TMEM207: variants seen among roughly 807,000 people sequenced by gnomAD.
TMEM207 encodes the protein SRSR846.
TMEM207 carries 15 observed loss-of-function variants against 17.4 expected under a neutral mutation model. The observed-to-expected ratio is 0.86, with a 90% CI of 0.58 to 1.33. The LOEUF (loss-of-function observed/expected upper bound fraction) is 1.33, where lower values mean the gene tolerates loss of function less well. Ranked by LOEUF, TMEM207 falls within the 40% of genes most tolerant of loss-of-function variation. The pLI is 0.00. For missense variants in TMEM207, 205 were observed against 173.8 expected (o/e 1.18, Z -1.01); for synonymous variants, 70 against 65.6 (o/e 1.07, Z -0.33).
intron 4 of TMEM207, among the ~76,000 whole-genome samples, chr3:190,439,801 G>T (rs1314251186): frequency 6.6e-6 from 1 of 152,166 alleles, no homozygotes; most frequent in Non-Finnish European, 1.5e-5. Context: ...ATTGACCGCA[G>T]ACATCTGGAA....
chr3:190,439,542 T>C (rs1213303894), intron 4 of TMEM207, among the ~76,000 whole-genome samples: 1 of 152,152 alleles, frequency 6.6e-6, no homozygotes, highest in African/African-American at 2.4e-5. Flanking sequence ...GATGAAGAAA[T>C]AGCTATCAAT....
intron 1 of TMEM207, 55 bp downstream of exon 1, chr3:190,449,680 T>G: frequency 6.5e-7 from 1 of 1,531,886 alleles, no homozygotes; most frequent in South Asian, 1.1e-5. Context: ...AATCAAGTCC[T>G]CAGAGTACCT....
intron 2 of TMEM207, among the ~76,000 whole-genome samples, chr3:190,442,967 G>A (rs1011244269): frequency 1.3e-5 from 2 of 152,034 alleles, no homozygotes; most frequent in African/African-American, 2.4e-5. Flanking sequence ...CTTGAAGATG[G>A]CATTATGAAA....
chr3:190,440,787 G>A (rs2108536223), intron 3 of TMEM207, among the ~76,000 whole-genome samples: 1 of 152,272 alleles, frequency 6.6e-6, no homozygotes, highest in African/African-American at 2.4e-5. Context: ...TAGGCAGAGG[G>A]GCCGGGCGCG....
At chr3:190,447,765 A>G in intron 2 of TMEM207, 25 bp downstream of exon 2, 1 of 1,607,216 alleles carries the variant, frequency 6.2e-7, no homozygotes, top group Non-Finnish European at 8.5e-7. Flanking sequence ...AAATAAAAAC[A>G]TGGAGTTTTT....
intron 3 of TMEM207, 117 bp from the exon 4 acceptor site, chr3:190,440,506 G>T: frequency 1.2e-6 from 1 of 829,628 alleles, no homozygotes; most frequent in Non-Finnish European, 1.8e-6. Flanking sequence ...AAGCAATGTG[G>T]GACACTGAAT....
Position 190,449,829 on chromosome 3 carries a change from T to C in TMEM207, c.-20A>G. 1.2e-6 allele frequency: 2 copies of C among 1,610,484 alleles called. No homozygotes were observed. The highest frequency in any genetic ancestry group is 1.7e-6 in the Non-Finnish European group (2 of 1,176,824). ...TGACATATTTAAAGGACAGTCAACT[T>C]AGGATAGTGGTTTGGTGCCTGTGTT... is the stretch of plus-strand genomic sequence containing the variant. On this transcript the variant is annotated 5_prime_UTR_variant, in exon 1 of 5. Coordinates refer to ENST00000354905, the MANE Select transcript of TMEM207 (RefSeq NM_207316.3).
chr3:190,433,221 T>C (rs1025048608), intron 4 of TMEM207, among the ~76,000 whole-genome samples: 3 of 152,164 alleles, frequency 2.0e-5, no homozygotes, highest in Non-Finnish European at 4.4e-5. Context: ...CATTTTCCAT[T>C]AATTATCTTT....
intron 2 of TMEM207, among the ~76,000 whole-genome samples, chr3:190,443,573 A>G (rs981524780): frequency 6.6e-6 from 1 of 152,180 alleles, no homozygotes; most frequent in South Asian, 2.1e-4. Flanking sequence ...CTGAGACTTA[A>G]GGTGGAGAGA....
intron 2 of TMEM207, chr3:190,444,403 G>T: frequency 5.1e-6 from 5 of 984,844 alleles, no homozygotes; most frequent in Non-Finnish European, 6.0e-6. Context: ...GGTGCGACTG[G>T]GACAGTAATA....
intron 4 of TMEM207, among the ~76,000 whole-genome samples, chr3:190,436,583 T>C (rs1030721582): frequency 7.9e-5 from 12 of 152,330 alleles, no homozygotes; most frequent in African/African-American, 2.9e-4. Context: ...CCTCCTTCTG[T>C]AGCCACAAAA....
intron 2 of TMEM207, among the ~76,000 whole-genome samples, chr3:190,445,183 G>T (rs1720018118): frequency 6.6e-6 from 1 of 152,092 alleles, no homozygotes; most frequent in Admixed American, 6.5e-5. Context: ...GCAAGATGTG[G>T]TATATCATTA....
At chr3:190,447,897 CT>C in intron 1 of TMEM207, 70 bp from the exon 2 acceptor site, 1 of 1,446,170 alleles carries the variant, frequency 6.9e-7, no homozygotes, top group Non-Finnish European at 9.4e-7. Flanking sequence ...CAAGCAGCGC[CT>C]AGAGACAATG....
chr3:190,435,599 C>T (rs548788567), intron 4 of TMEM207, among the ~76,000 whole-genome samples: 34 of 152,246 alleles, frequency 2.2e-4, no homozygotes, highest in African/African-American at 5.8e-4. Context: ...GATCTTTGAG[C>T]GCACAGTAAG....
intron 4 of TMEM207, among the ~76,000 whole-genome samples, chr3:190,432,928 T>A (rs1391435042): frequency 6.6e-6 from 1 of 152,124 alleles, no homozygotes; most frequent in East Asian, 1.9e-4. Flanking sequence ...AGGAGGGGTG[T>A]CACCTCGGGC....
intron 4 of TMEM207, among the ~76,000 whole-genome samples, chr3:190,437,449 T>C (rs1362236706): frequency 1.3e-5 from 2 of 152,230 alleles, no homozygotes; most frequent in Non-Finnish European, 1.5e-5. Flanking sequence ...TTTTCCAAGT[T>C]GATATTTAGG....
Position 190,429,725 on chromosome 3 carries a change from T to C in TMEM207, c.311A>G (p.Glu104Gly), listed in dbSNP as rs1719649527. Residue 104 changes from glutamate to glycine, a missense_variant, in exon 5 of 5, where the codon GAA (glutamate) becomes GGA (glycine). Physicochemically the swap from Glu to Gly is moderately conservative, Grantham distance 98 (BLOSUM62 -2). Coordinates refer to ENST00000354905, the MANE Select transcript of TMEM207 (RefSeq NM_207316.3). ...VGDLDSIYGT[E>G]AAVSPTVGIH... is the part of the protein sequence containing the mutation. ...TCCAACAGTTGGACTCACAGCTGCT[T>C]CTGTCCCTGGAAAGAGAAAGATGAA... is the stretch of plus-strand genomic sequence containing the variant. The C allele has an allele frequency of 6.2e-7, 1 of 1,604,652 alleles. No individual in the cohort carries two copies. Among genetic ancestry groups the C allele is most frequent in the South Asian group, 1.1e-5 (1 of 89,398 alleles).
chr3:190,441,554 T>C (rs1056205519), intron 2 of TMEM207, 72 bp from the exon 3 acceptor site: 1 of 1,240,188 alleles, frequency 8.1e-7, no homozygotes. Context: ...CCCAATAAAA[T>C]TGGTACTGAT....
chr3:190,440,256 C>G lies in TMEM207; in HGVS notation c.292G>C (p.Asp98His), dbSNP rs1389305712. Reference protein sequence around the residue: ...TMAVFAVGDLDSIYGTEAAVS... With the variant: ...TMAVFAVGDLHSIYGTEAAVS... ...GCAGACAACTCACCATAAATAGAGT[C>G]CAAGTCTCCAACAGCAAAAACTGCC... Residue 98 changes from aspartate to histidine, a missense_variant, in exon 4 of 5, where the codon GAC (aspartate) becomes CAC (histidine). Physicochemically the swap from Asp to His is moderately conservative, Grantham distance 81. Coordinates refer to ENST00000354905, the MANE Select transcript of TMEM207 (RefSeq NM_207316.3). 1.2e-6 allele frequency: 2 copies of G among 1,613,616 alleles called. No individual in the cohort carries two copies. The highest frequency in any genetic ancestry group is 3.3e-5 in the Admixed American group (2 of 59,948).
Sources: gnomAD v4.1 joint callset for allele counts (sites outside exome capture counted in the v4.1 genomes callset) on GRCh38, gnomAD v4.1.1 for gene constraint, MANE v1.5 for transcripts, NCBI Gene and HGNC (gene_info 2026-07-23, HGNC 2026-07-21) for gene names.